LSM12: variants seen among roughly 807,000 people sequenced by gnomAD.
The protein encoded by LSM12 is LSM12 homolog, also known as protein LSM12.
For synonymous variants in LSM12, 74 were observed against 87.3 expected (o/e 0.85, Z 0.85); for missense variants, 108 against 238.9 (o/e 0.45, Z 3.61).
intron 3 of LSM12, among the ~76,000 whole-genome samples, chr17:44,037,963 A>G (rs996181781): frequency 1.3e-5 from 2 of 152,230 alleles, no homozygotes; most frequent in Admixed American, 1.3e-4. Context: ...GTACAAAAGT[A>G]GCATGGACAA....
chr17:44,038,924 G>A (rs1159178730), intron 3 of LSM12, among the ~76,000 whole-genome samples: 1 of 151,972 alleles, frequency 6.6e-6, no homozygotes, highest in Non-Finnish European at 1.5e-5. Context: ...CTGTGCACCA[G>A]ATCCAGGGTG....
chr17:44,037,567 T>C lies in LSM12; in HGVS notation c.369-29A>G, dbSNP rs781531050. The C allele has an allele frequency of 5.7e-6, 9 of 1,591,492 alleles. No homozygotes were observed. In the South Asian group the frequency reaches 1.0e-4, roughly 18 times the overall value. ...GAAGGAGAAGACAGCAGGCGAAATG[T>C]AACCTCTTGGGGGCATCCCACATCT... is the stretch of plus-strand genomic sequence containing the variant. On this transcript the variant is annotated intron_variant, in intron 3 of 4. Coordinates refer to ENST00000293406, the MANE Select transcript of LSM12 (RefSeq NM_001371445.1).
chr17:44,061,194 G>A (rs947629652), intron 2 of LSM12, among the ~76,000 whole-genome samples: 2 of 151,908 alleles, frequency 1.3e-5, no homozygotes, highest in Non-Finnish European at 2.9e-5. Context: ...GTGCATGCCT[G>A]TAATCCCAGC....
chr17:44,038,397 C>T (rs1381584703), intron 3 of LSM12, among the ~76,000 whole-genome samples: 1 of 151,432 alleles, frequency 6.6e-6, no homozygotes, highest in African/African-American at 2.4e-5. Flanking sequence ...CAGTGGCTCA[C>T]GCCTGTAATC....
chr17:44,063,700 A>G (rs146327741), intron 2 of LSM12, 101 bp downstream of exon 2: 10 of 1,313,106 alleles, frequency 7.6e-6, no homozygotes, highest in Non-Finnish European at 2.0e-6. Context: ...TTTTAAGTCA[A>G]TTTTAAAAAA....
intron 2 of LSM12, among the ~76,000 whole-genome samples, chr17:44,058,328 T>C (rs1350507590): frequency 6.6e-6 from 1 of 152,124 alleles, no homozygotes; most frequent in Non-Finnish European, 1.5e-5. Flanking sequence ...AAGACTGATC[T>C]ACTTGGTTCA....
At chr17:44,050,933 G>C (rs2049634905) in intron 2 of LSM12, among the ~76,000 whole-genome samples, 1 of 152,174 alleles carries the variant, frequency 6.6e-6, no homozygotes, top group Non-Finnish European at 1.5e-5. Context: ...AGGGGTTTGA[G>C]ACCAGCCTGG....
intron 2 of LSM12, among the ~76,000 whole-genome samples, chr17:44,043,488 G>A (rs1323327944): frequency 6.6e-6 from 1 of 151,470 alleles, no homozygotes; most frequent in Non-Finnish European, 1.5e-5. Flanking sequence ...TGTATTTTAA[G>A]CAGCAACAAG....
Position 44,058,251 on chromosome 17 carries a change from AAAT to A in LSM12, c.258+5547_258+5549del, listed in dbSNP as rs202053481. Reference sequence around the variant, plus strand: ...GACTCCGTCTCAAAAAAAAAATAATAAATAATAATAATAATAATAATAATTTGG... The same window carrying A: ...GACTCCGTCTCAAAAAAAAAATAATAAATAATAATAATAATAATAATTTGG... On this transcript the variant is annotated intron_variant, in intron 2 of 4. Transcript: ENST00000293406. Among the ~76,000 whole-genome samples, 776 of 150,690 alleles carry A rather than the reference AAAT, an allele frequency of 5.1e-3. 7 individuals carry two copies. The highest frequency in any genetic ancestry group is 0.018 in the African/African-American group (747 of 41,198).
At chr17:44,044,329 T>G (rs983056150) in intron 2 of LSM12, among the ~76,000 whole-genome samples, 5 of 152,150 alleles carry the variant, frequency 3.3e-5, no homozygotes, top group African/African-American at 1.2e-4. Flanking sequence ...AACAATGATT[T>G]CAAAATACAC....
chr17:44,060,657 G>T (rs151004182), intron 2 of LSM12, among the ~76,000 whole-genome samples: 95 of 152,282 alleles, frequency 6.2e-4, no homozygotes, highest in African/African-American at 2.3e-3. Flanking sequence ...AAGATTTCTG[G>T]TGTTCCCCAA....
intron 3 of LSM12, among the ~76,000 whole-genome samples, chr17:44,039,483 G>A (rs940558017): frequency 2.2e-5 from 3 of 134,734 alleles, no homozygotes; most frequent in Non-Finnish European, 3.1e-5. Context: ...CCGGGTTCAC[G>A]CCATTCTCCT....
At position 44,035,689 on chromosome 17, in the gene LSM12, A is replaced by AAG. The variant is rs1567953527; in HGVS notation, c.*518_*519insCT. On this transcript the variant is annotated 3_prime_UTR_variant, in exon 5 of 5. Coordinates refer to ENST00000293406, the MANE Select transcript of LSM12 (RefSeq NM_001371445.1). Reference sequence around the variant, plus strand: ...GCCATGCCCTGTGCAAAAAAAAAAAAAAAAAGAAAAAAGAAAAAAAAAGGA... The same window carrying AAG: ...GCCATGCCCTGTGCAAAAAAAAAAAAAGAAAAAGAAAAAAGAAAAAAAAAGGA... 7.1e-6 allele frequency: 1 copy of AAG among 141,788 alleles called. No individual in the cohort carries two copies. Among genetic ancestry groups the AAG allele is most frequent in the Admixed American group, 7.2e-5 (1 of 13,946 alleles). 8.8% of individuals were successfully genotyped at this position (141,788 alleles called of 1,614,324 possible). A position where few individuals can be genotyped will look rare whatever the true frequency, so the allele number is the denominator to read the frequency against.
Position 44,066,507 on chromosome 17 carries a change from G to A in LSM12, c.81C>T (p.Gly27=). 1 of 1,533,420 alleles carries A rather than the reference G, an allele frequency of 6.5e-7. No individual in the cohort carries two copies. The highest frequency in any genetic ancestry group is 8.8e-7 in the Non-Finnish European group (1 of 1,141,458). 95.0% of individuals were successfully genotyped at this position (1,533,420 alleles called of 1,614,324 possible). ...CRTCQEQRLQ[G]EVVAFDYQSK... ...ATTGGTAGTCAAAGGCTACCACCTC[G>A]CCCTGCAGCCGCTGCTCCTGGCACG... Residue 27 remains glycine, a synonymous_variant, in exon 1 of 5, where the codon GGC becomes GGT. Coordinates refer to ENST00000293406, the MANE Select transcript of LSM12 (RefSeq NM_001371445.1).
chr17:44,053,549 T>C (rs1341398112), intron 2 of LSM12, among the ~76,000 whole-genome samples: 1 of 152,068 alleles, frequency 6.6e-6, no homozygotes, highest in East Asian at 1.9e-4. Context: ...ATCCTGGCAT[T>C]TCCCAGCACC....
chr17:44,041,290 AACACACAC>A lies in LSM12; in HGVS notation c.259-1042_259-1035del, dbSNP rs72358942. Among the ~76,000 whole-genome samples the A allele has an allele frequency of 5.3e-3, 585 of 110,456 alleles. 8 individuals are homozygous for A. Among genetic ancestry groups the A allele is most frequent in the South Asian group, 0.035 (103 of 2,944 alleles). 72.5% of individuals were successfully genotyped at this position (110,456 alleles called of 152,430 possible). On this transcript the variant is annotated intron_variant, in intron 2 of 4. Coordinates refer to ENST00000293406, the MANE Select transcript of LSM12 (RefSeq NM_001371445.1). ...TGTCTCTTTAAAAAAAAAAAAAACA[AACACACAC>A]ACACACACACACACACACACACACA...
chr17:44,039,710 G>A (rs996359030), intron 3 of LSM12, among the ~76,000 whole-genome samples: 4 of 152,146 alleles, frequency 2.6e-5, no homozygotes, highest in African/African-American at 9.7e-5. Context: ...GTGGTAAGAA[G>A]GTGGCCTGCT....
chr17:44,060,122 G>A (rs1338805805), intron 2 of LSM12, among the ~76,000 whole-genome samples: 2 of 152,048 alleles, frequency 1.3e-5, no homozygotes, highest in Non-Finnish European at 2.9e-5. Flanking sequence ...CCGAGATGGC[G>A]CCACTGCACT....
chr17:44,054,061 A>C (rs973719491), intron 2 of LSM12, among the ~76,000 whole-genome samples: 1 of 152,166 alleles, frequency 6.6e-6, no homozygotes, highest in African/African-American at 2.4e-5. Flanking sequence ...ACCTGGGCTC[A>C]GCAATTTATC....
Sources: gnomAD v4.1 joint callset for allele counts (sites outside exome capture counted in the v4.1 genomes callset) on GRCh38, gnomAD v4.1.1 for gene constraint, MANE v1.5 for transcripts, NCBI Gene and HGNC (gene_info 2026-07-23, HGNC 2026-07-21) for gene names.